The following EVC variants were observed in gnomAD, a reference collection of about 807,000 sequenced individuals.
EVC encodes the protein EvC ciliary complex subunit 1, also known as evC complex member EVC.
EVC carries 116 observed loss-of-function variants against 118.9 expected under a neutral mutation model. That is an observed-to-expected ratio of 0.98 (90% CI 0.84 to 1.14). EVC has a LOEUF of 1.14. Among genes scored for constraint, EVC ranks in the 50% most tolerant of loss-of-function variants. The pLI is 0.00. For synonymous variants in EVC, 619 were observed against 534.7 expected (o/e 1.16, Z -2.18); for missense variants, 1,401 against 1,246.4 (o/e 1.12, Z -1.87).
At chr4:5,721,471 A>G (rs1315512670) in intron 2 of EVC, among the ~76,000 whole-genome samples, 1 of 152,196 alleles carries the variant, frequency 6.6e-6, no homozygotes, top group African/African-American at 2.4e-5. Flanking sequence ...ATACAGACAG[A>G]AAGTAGATTA....
intron 3 of EVC, among the ~76,000 whole-genome samples, chr4:5,730,334 A>G (rs574105807): frequency 6.6e-6 from 1 of 152,330 alleles, no homozygotes; most frequent in African/African-American, 2.4e-5. Flanking sequence ...GAATTCCTGC[A>G]CCAAAGGAAT....
At position 5,808,364 on chromosome 4, in the gene EVC, G is replaced by T. The variant is rs376991672; in HGVS notation, c.2688+37G>T. 1.4e-5 allele frequency: 23 copies of T among 1,613,964 alleles called. No individual in the cohort carries two copies. The African/African-American group carries it at 2.3e-4, about 16-fold the overall frequency. On this transcript the variant is annotated intron_variant, in intron 18 of 20. Transcript: ENST00000264956. ...AGAACTGGACCTTCCAAAAGCAGTGGTTTAAAGAGGAGCAGAAATAGCTGA... is the reference window on the plus strand; with the variant it reads ...AGAACTGGACCTTCCAAAAGCAGTGTTTTAAAGAGGAGCAGAAATAGCTGA...
chr4:5,712,904 A>G (rs116284884), intron 1 of EVC, among the ~76,000 whole-genome samples: 1,610 of 152,298 alleles, frequency 0.011, 31 homozygotes, highest in African/African-American at 0.037. Flanking sequence ...CCTCCAGCCC[A>G]TGAGGTGGAG....
In EVC at chr4:5,763,253, T is replaced by G. The variant is rs1005643718; in HGVS notation, c.1563+6891T>G. Among the ~76,000 whole-genome samples, 449 of 145,064 alleles carry G rather than the reference T, an allele frequency of 3.1e-3. 5 individuals carry two copies. The highest frequency in any genetic ancestry group is 0.011 in the African/African-American group (421 of 37,850). ...TTTCTGAGGGCTCTGTTCTGTTCCA[T>G]TGATCTATATCTGTTTTGGTACAAT... On this transcript the variant is annotated intron_variant, in intron 11 of 20. Coordinates refer to ENST00000264956, the MANE Select transcript of EVC (RefSeq NM_153717.3).
intron 16 of EVC, among the ~76,000 whole-genome samples, chr4:5,804,488 T>A (rs1461119408): frequency 6.6e-6 from 1 of 152,154 alleles, no homozygotes; most frequent in African/African-American, 2.4e-5. Context: ...TTTCTCCTGA[T>A]ACAAGAAAGC....
rs530932156 is a variant in EVC, at chr4:5,806,876, T to A, written c.2562-1325T>A. On this transcript the variant is annotated intron_variant, in intron 17 of 20. Coordinates refer to ENST00000264956, the MANE Select transcript of EVC (RefSeq NM_153717.3). ...AGTTTGTCTTTTTAGTGATAGCCAT[T>A]CTAACTGGGGTAAGATGATATCTCC... Among the ~76,000 whole-genome samples, 4 of 152,352 alleles carry A rather than the reference T, an allele frequency of 2.6e-5. No individual in the cohort carries two copies. In the South Asian group the frequency reaches 8.3e-4, roughly 32 times the overall value.
At chr4:5,730,531 T>C (rs1726628147) in intron 3 of EVC, among the ~76,000 whole-genome samples, 1 of 152,034 alleles carries the variant, frequency 6.6e-6, no homozygotes. Flanking sequence ...AGGCCCTGCG[T>C]GGGCCCTGGG....
chr4:5,751,246 T>A (rs1214151000), intron 8 of EVC, among the ~76,000 whole-genome samples: 1 of 152,246 alleles, frequency 6.6e-6, no homozygotes, highest in Non-Finnish European at 1.5e-5. Flanking sequence ...GAGCCAAGTC[T>A]GAGCCTGGCA....
At position 5,753,850 on chromosome 4, in the gene EVC, A is replaced by C; in HGVS notation, c.1381A>C (p.Lys461Gln). The C allele has an allele frequency of 6.2e-7, 1 of 1,614,062 alleles. No homozygotes were observed. Among genetic ancestry groups the C allele is most frequent in the Non-Finnish European group, 8.5e-7 (1 of 1,180,016 alleles). Reference sequence around the variant, plus strand: ...GGCTCACCAGGTGGAGGGAACGGCAAAACTCACGCTGGCCCAAGAGGAGGA... The same window carrying C: ...GGCTCACCAGGTGGAGGGAACGGCACAACTCACGCTGGCCCAAGAGGAGGA... Reference protein sequence around the residue: ...SLAHQVEGTAKLTLAQEEEQR... With the variant: ...SLAHQVEGTAQLTLAQEEEQR... The change falls in exon 10 of 21, where the codon AAA becomes CAA. Residue 461 changes from lysine (K) to glutamine (Q), a missense_variant. By Grantham distance (53) the Lys-to-Gln change is moderately conservative. Coordinates refer to ENST00000264956, the MANE Select transcript of EVC (RefSeq NM_153717.3).
chr4:5,760,678 G>C (rs964326959), intron 11 of EVC, among the ~76,000 whole-genome samples: 2 of 152,030 alleles, frequency 1.3e-5, no homozygotes, highest in Admixed American at 6.5e-5. Context: ...TCAGCCTCCC[G>C]AGTGGCTGGA....
rs1370649012 is a variant in EVC at position 5,746,230 on chromosome 4, G to T, written c.939+889G>T. ...GAAGCTTTGAAGCAGGGGGTGGCTG[G>T]CTTCAGCTTCTGCTTTAGAAGGGCT... On this transcript the variant is annotated intron_variant, in intron 7 of 20. Transcript: ENST00000264956. This position sits in a 1 kb window ranked among gnomAD's most constrained non-coding sequence, Gnocchi z 5.8. Among the ~76,000 whole-genome samples the T allele has an allele frequency of 6.6e-6, 1 of 152,210 alleles. No individual in the cohort carries two copies. Among genetic ancestry groups the T allele is most frequent in the East Asian group, 1.9e-4 (1 of 5,200 alleles).
chr4:5,793,111 G>A (rs1713106386), intron 12 of EVC, among the ~76,000 whole-genome samples: 1 of 152,086 alleles, frequency 6.6e-6, no homozygotes, highest in African/African-American at 2.4e-5. Flanking sequence ...AGAGGATAAG[G>A]CAGGACCTAC....
At position 5,798,539 on chromosome 4, in the gene EVC, C is replaced by CTG. The variant is rs1714386905; in HGVS notation, c.2098-44_2098-43dup. The CTG allele has an allele frequency of 1.3e-6, 2 of 1,536,124 alleles. No homozygotes were observed. The highest frequency in any genetic ancestry group is 2.7e-5 in the African/African-American group (2 of 72,734). ...CATCCCAGTCCTGGCCAGAGCTTCT[C>CTG]TGTGAGAGGAGCACTTGGCCCCTGC... On this transcript the variant is annotated intron_variant, in intron 14 of 20. Coordinates refer to ENST00000264956, the MANE Select transcript of EVC (RefSeq NM_153717.3). This position sits in a 1 kb window ranked among gnomAD's most constrained non-coding sequence, Gnocchi z 4.1.
At chr4:5,770,093 T>C (rs912483713) in intron 11 of EVC, among the ~76,000 whole-genome samples, 18 of 152,016 alleles carry the variant, frequency 1.2e-4, no homozygotes, top group Non-Finnish European at 2.5e-4. Context: ...AGCTTCTGGG[T>C]GTCCTCTCCT....
At chr4:5,726,568 C>CTTTTT (rs34483285) in intron 2 of EVC, among the ~76,000 whole-genome samples, 15,871 of 134,182 alleles carry the variant, frequency 0.12, 1,306 homozygotes, top group East Asian at 0.29. Flanking sequence ...CTTCTCTTTT[C>CTTTTT]TTTTTTTTTT....
Position 5,756,489 on chromosome 4 carries a change from T to A in EVC, c.1563+127T>A, listed in dbSNP as rs577234199. 4.7e-5 allele frequency: 36 copies of A among 770,060 alleles called. No individual in the cohort carries two copies. Among genetic ancestry groups the A allele is most frequent in the Non-Finnish European group, 6.7e-5 (30 of 448,054 alleles). The allele number at this position is 770,060 out of a possible 1,614,324, so 47.7% of individuals were successfully genotyped here. A position where few individuals can be genotyped will look rare whatever the true frequency, so the allele number is the denominator to read the frequency against. On this transcript the variant is annotated intron_variant, in intron 11 of 20. Coordinates refer to ENST00000264956, the MANE Select transcript of EVC (RefSeq NM_153717.3). The surrounding 1 kb of genome is among the most constrained non-coding windows in gnomAD (Gnocchi z 4.2). ...CAACCCCGCACTCATTGGCCGGTGA[T>A]CCACGCAGGCTGTGTCCCCTCCATG...
intron 5 of EVC, among the ~76,000 whole-genome samples, chr4:5,734,566 AG>A (rs887947124): frequency 6.6e-6 from 1 of 152,152 alleles, no homozygotes. Context: ...CTGAGGTGAG[AG>A]GAACACTTGA....
intron 11 of EVC, among the ~76,000 whole-genome samples, chr4:5,781,666 A>C (rs1735616903): frequency 6.6e-6 from 1 of 152,116 alleles, no homozygotes; most frequent in Non-Finnish European, 1.5e-5. Flanking sequence ...GCAAAACCTC[A>C]TCTCCACAAA....
chr4:5,731,344 A>G lies in EVC; in HGVS notation c.385-81A>G. On this transcript the variant is annotated intron_variant, in intron 3 of 20. Coordinates refer to ENST00000264956, the MANE Select transcript of EVC (RefSeq NM_153717.3). This position sits in a 1 kb window ranked among gnomAD's most constrained non-coding sequence, Gnocchi z 5.6. ...GACCTTCCTGTGAGCGGCTAGCGTG[A>G]ATCACTGGTAGAATTATGAATACTA... 8.3e-7 allele frequency: 1 copy of G among 1,207,078 alleles called. No individual in the cohort carries two copies. The highest frequency in any genetic ancestry group is 1.2e-6 in the Non-Finnish European group (1 of 809,692). The allele number at this position is 1,207,078 out of a possible 1,614,324, so 74.8% of individuals were successfully genotyped here. A position where few individuals can be genotyped will look rare whatever the true frequency, so the allele number is the denominator to read the frequency against.
Sources: gnomAD v4.1 joint callset for allele counts (sites outside exome capture counted in the v4.1 genomes callset) on GRCh38, gnomAD v4.1.1 for gene constraint, Gnocchi (gnomAD v3.1) non-coding constraint, MANE v1.5 for transcripts, NCBI Gene and HGNC (gene_info 2026-07-23, HGNC 2026-07-21) for gene names.